NCLN: variants seen among roughly 807,000 people sequenced by gnomAD.
NCLN encodes the protein nicalin.
NCLN carries 34 observed loss-of-function variants against 69.5 expected under a neutral mutation model. That is an observed-to-expected ratio of 0.49 (90% CI 0.37 to 0.65). The LOEUF is 0.65. Among genes scored for constraint, NCLN ranks in the 30% least tolerant of loss-of-function variants. NCLN has a pLI of 0.00. For missense variants in NCLN, 710 were observed against 804.8 expected (o/e 0.88, Z 1.42); for synonymous variants, 393 against 358.3 (o/e 1.10, Z -1.09).
chr19:3,207,949 C>T lies in NCLN; in HGVS notation c.*261C>T, dbSNP rs957538041. On this transcript the variant is annotated 3_prime_UTR_variant, in exon 15 of 15. Transcript: ENST00000246117. The stretch of plus-strand genomic sequence containing the variant: ...GTCCCGGGGCCAGGCTACGGACTTG[C>T]GGACGAGCCCCCCAGTCCTGGGAGC... 17 of 493,344 alleles carry T rather than the reference C, an allele frequency of 3.4e-5. No homozygotes were observed. The highest frequency in any genetic ancestry group is 1.1e-4 in the East Asian group (3 of 28,540). 30.6% of individuals were successfully genotyped at this position (493,344 alleles called of 1,614,324 possible). A position where few individuals can be genotyped will look rare whatever the true frequency, so the allele number is the denominator to read the frequency against.
intron 12 of NCLN, 133 bp from the exon 13 acceptor site, chr19:3,207,065 C>T: frequency 1.0e-6 from 1 of 991,534 alleles, no homozygotes. Context: ...TTCAAGTGAT[C>T]CGCCTGCCTC....
chr19:3,200,650 C>T (rs918012199), intron 5 of NCLN, among the ~76,000 whole-genome samples: 1 of 152,060 alleles, frequency 6.6e-6, no homozygotes, highest in African/African-American at 2.4e-5. Context: ...TAAAGTTCAC[C>T]ATTTTAGAGC....
In NCLN at chr19:3,205,015, G is replaced by T. The variant is rs1254750753; in HGVS notation, c.1208+264G>T. On this transcript the variant is annotated intron_variant, in intron 9 of 14. Coordinates refer to ENST00000246117, the MANE Select transcript of NCLN (RefSeq NM_020170.4). The surrounding 1 kb of genome is among the most constrained non-coding windows in gnomAD (Gnocchi z 4.6). Reference sequence around the variant, plus strand: ...CAGACCCCGTCACCTGTTGAGTTAGGAGCAAGCAGCTCCTGCCTCTGGGCC... The same window carrying T: ...CAGACCCCGTCACCTGTTGAGTTAGTAGCAAGCAGCTCCTGCCTCTGGGCC... 6.6e-6 allele frequency among the ~76,000 whole-genome samples: 1 copy of T among 152,206 alleles called. No individual in the cohort carries two copies. The highest frequency in any genetic ancestry group is 1.5e-5 in the Non-Finnish European group (1 of 68,024).
In NCLN at chr19:3,209,211, G is replaced by A. The variant is rs972676188; in HGVS notation, c.*1523G>A. On this transcript the variant is annotated 3_prime_UTR_variant, in exon 15 of 15. Transcript: ENST00000246117. ...AACCTGCAGCCTGGAGGGGTGAGGG[G>A]ACAACCACCCCTCTTTCCTCCAGGT... The A allele has an allele frequency of 2.6e-5, 4 of 152,314 alleles. No homozygotes were observed. The highest frequency in any genetic ancestry group is 9.6e-5 in the African/African-American group (4 of 41,464). The allele number at this position is 152,314 out of a possible 1,614,324, so 9.4% of individuals were successfully genotyped here.
intron 14 of NCLN, 29 bp from the exon 15 acceptor site, chr19:3,207,600 A>T: frequency 1.2e-6 from 2 of 1,611,932 alleles, no homozygotes; most frequent in South Asian, 2.2e-5. Flanking sequence ...CCCCGCCCAC[A>T]TCCTCACTCC....
chr19:3,203,644 C>A, intron 6 of NCLN, 112 bp from the exon 7 acceptor site: 1 of 943,372 alleles, frequency 1.1e-6, no homozygotes, highest in African/African-American at 1.6e-5. Context: ...GTCAGGATTT[C>A]CTGCTTTGGG....
chr19:3,194,130 T>C (rs1019877672), intron 3 of NCLN, among the ~76,000 whole-genome samples: 1 of 152,168 alleles, frequency 6.6e-6, no homozygotes, highest in African/African-American at 2.4e-5. Flanking sequence ...GGTTTCAAGC[T>C]ATAGTAAAGG....
In NCLN at chr19:3,189,410, C is replaced by T. The variant is rs141146053; in HGVS notation, c.185-3060C>T. Among the ~76,000 whole-genome samples, 356 of 152,348 alleles carry T rather than the reference C, an allele frequency of 2.3e-3. 3 individuals carry two copies. Among genetic ancestry groups the T allele is most frequent in the Non-Finnish European group, 4.1e-3 (279 of 68,022 alleles). ...TTGTTAATAAAGTTTTATCGGCACG[C>T]GGTCATGCCCATCCATTGGCATCTT... On this transcript the variant is annotated intron_variant, in intron 1 of 14. Coordinates refer to ENST00000246117, the MANE Select transcript of NCLN (RefSeq NM_020170.4).
chr19:3,196,541 A>C (rs563524489), intron 4 of NCLN, among the ~76,000 whole-genome samples: 91 of 150,238 alleles, frequency 6.1e-4, no homozygotes, highest in Middle Eastern at 3.4e-3. Flanking sequence ...ATGGACCCCC[A>C]CACACCAAGC....
At position 3,185,973 on chromosome 19, in the gene NCLN, CGCCGCCGCCGCCGTCCCGTCCCAGCT is replaced by C. The variant is rs1277794302; in HGVS notation, c.-51_-26del. The C allele has an allele frequency of 3.9e-6, 5 of 1,275,534 alleles. No individual in the cohort carries two copies. The Admixed American group carries it at 1.2e-4, about 32-fold the overall frequency. 79.0% of individuals were successfully genotyped at this position (1,275,534 alleles called of 1,614,324 possible). ...CATGCCGAGGTGAGTCCGCGGGAGC[CGCCGCCGCCGCCGTCCCGTCCCAGCT>C]GCCGCCCCGCGCGGCCCCGCCGCCG... On this transcript the variant is annotated 5_prime_UTR_variant, in exon 1 of 15. Coordinates refer to ENST00000246117, the MANE Select transcript of NCLN (RefSeq NM_020170.4).
intron 3 of NCLN, among the ~76,000 whole-genome samples, chr19:3,194,650 T>C (rs962753281): frequency 3.3e-5 from 5 of 152,230 alleles, no homozygotes; most frequent in Admixed American, 2.0e-4. Context: ...ATTAAAAGTC[T>C]TGACAGTGGC....
In NCLN at chr19:3,207,464, G is replaced by A. The variant is rs1311331919; in HGVS notation, c.1627G>A (p.Val543Ile). ...CTACCTCGGCATGGCCTACGTGGCT[G>A]TCCAGGTGAGCAGTGCCCAGGCTCA... ...AAYLGMAYVA[V>I]QHFSLLYKTV... The change falls in exon 14 of 15, where the codon GTC becomes ATC. Residue 543 changes from valine to isoleucine, a missense_variant. Coordinates refer to ENST00000246117, the MANE Select transcript of NCLN (RefSeq NM_020170.4). The A allele has an allele frequency of 1.9e-6, 3 of 1,612,848 alleles. No homozygotes were observed. Among genetic ancestry groups the A allele is most frequent in the East Asian group, 4.5e-5 (2 of 44,874 alleles).
At chr19:3,195,974 G>A (rs555832670) in intron 3 of NCLN, among the ~76,000 whole-genome samples, 10 of 152,320 alleles carry the variant, frequency 6.6e-5, no homozygotes, top group South Asian at 4.1e-4. Context: ...CCAGCAGAAC[G>A]TTCCAGAAAG....
In NCLN at chr19:3,208,116, C is replaced by T. The variant is rs754336764; in HGVS notation, c.*428C>T. On this transcript the variant is annotated 3_prime_UTR_variant, in exon 15 of 15. Coordinates refer to ENST00000246117, the MANE Select transcript of NCLN (RefSeq NM_020170.4). ...TGCAGGCCTGACCTGCTCCCTGCTC[C>T]GTGTCTGTCCTAGGACGTCCCCTCC... The T allele has an allele frequency of 1.1e-5, 2 of 186,448 alleles. No homozygotes were observed. Among genetic ancestry groups the T allele is most frequent in the South Asian group, 1.1e-4 (1 of 8,710 alleles). 11.5% of individuals were successfully genotyped at this position (186,448 alleles called of 1,614,324 possible). A position where few individuals can be genotyped will look rare whatever the true frequency, so the allele number is the denominator to read the frequency against.
Position 3,186,150 on chromosome 19 carries a change from C to T in NCLN, c.120C>T (p.Ala40=). 1 of 1,596,196 alleles carries T rather than the reference C, an allele frequency of 6.3e-7. No individual in the cohort carries two copies. The highest frequency in any genetic ancestry group is 2.4e-5 in the East Asian group (1 of 42,216). ...LLLVAPPLPA[A]DAAHEFTVYR... ...TGGTGGCGCCGCCGCTGCCTGCCGC[C>T]GACGCCGCGCACGAGTTCACCGTGT... is the stretch of plus-strand genomic sequence containing the variant. The change falls in exon 1 of 15, where the codon GCC becomes GCT. Residue 40 remains alanine, a synonymous_variant. Transcript: ENST00000246117.
chr19:3,191,885 G>A (rs1210169669), intron 1 of NCLN, among the ~76,000 whole-genome samples: 1 of 152,154 alleles, frequency 6.6e-6, no homozygotes, highest in Non-Finnish European at 1.5e-5. Context: ...CAGGAGAAGG[G>A]GCTCTGCTGT....
chr19:3,195,212 G>C (rs1460929371), intron 3 of NCLN, among the ~76,000 whole-genome samples: 1 of 151,694 alleles, frequency 6.6e-6, no homozygotes. Flanking sequence ...AGAGTTCCCA[G>C]GAGCATGCTT....
rs893820389 is a variant in NCLN, at chr19:3,209,215, A to G, written c.*1527A>G. On this transcript the variant is annotated 3_prime_UTR_variant, in exon 15 of 15. Coordinates refer to ENST00000246117, the MANE Select transcript of NCLN (RefSeq NM_020170.4). ...TGCAGCCTGGAGGGGTGAGGGGACA[A>G]CCACCCCTCTTTCCTCCAGGTTGGC... 2 of 152,242 alleles carry G rather than the reference A, an allele frequency of 1.3e-5. No homozygotes were observed. The highest frequency in any genetic ancestry group is 1.3e-4 in the Admixed American group (2 of 15,282). The allele number at this position is 152,242 out of a possible 1,614,324, so 9.4% of individuals were successfully genotyped here.
rs749091779 is a variant in NCLN, at chr19:3,192,570, G to A, written c.285G>A (p.Glu95=). 6.2e-7 allele frequency: 1 copy of A among 1,609,988 alleles called. No homozygotes were observed. The highest frequency in any genetic ancestry group is 1.1e-5 in the South Asian group (1 of 90,744). ...TGCGGCTACTGGACTTCTCCTACGAGCAGTACCAGAAGGCCCTGCGGCAGT... is the reference window on the plus strand; with the variant it reads ...TGCGGCTACTGGACTTCTCCTACGAACAGTACCAGAAGGCCCTGCGGCAGT... ...VLMRLLDFSY[E]QYQKALRQSA... is the part of the protein sequence containing the mutation. The change falls in exon 2 of 15, where the codon GAG becomes GAA. Residue 95 remains glutamate, a synonymous_variant. Transcript: ENST00000246117.
Sources: gnomAD v4.1 joint callset for allele counts (sites outside exome capture counted in the v4.1 genomes callset) on GRCh38, gnomAD v4.1.1 for gene constraint, Gnocchi (gnomAD v3.1) non-coding constraint, MANE v1.5 for transcripts, NCBI Gene and HGNC (gene_info 2026-07-23, HGNC 2026-07-21) for gene names.